CCSER1: variants seen among roughly 807,000 people sequenced by gnomAD.
CCSER1 encodes the protein serine-rich coiled-coil domain-containing protein 1.
Under a neutral mutation model 82.0 loss-of-function variants are expected in CCSER1, and 41 were observed. That is an observed-to-expected ratio of 0.50 (90% CI 0.39 to 0.65). The LOEUF is 0.65. Among genes scored for constraint, CCSER1 ranks in the 30% least tolerant of loss-of-function variants. CCSER1 has a pLI of 0.00. For synonymous variants in CCSER1, 414 were observed against 383.9 expected (o/e 1.08, Z -0.92); for missense variants, 1,119 against 1,064.2 (o/e 1.05, Z -0.72).
At chr4:90,255,738 A>T (rs1410863292) in intron 1 of CCSER1, among the ~76,000 whole-genome samples, 2 of 152,322 alleles carry the variant, frequency 1.3e-5, no homozygotes, top group Admixed American at 6.5e-5. Flanking sequence ...GTGTAAAAAA[A>T]ACACAGTTAA....
chr4:90,550,545 T>C lies in CCSER1; in HGVS notation c.1725-77480T>C, dbSNP rs553261541. ...CCATTTAAACTATCACAAATTAATA[T>C]AGAAAAATATATTATTGAGGCAAAC... On this transcript the variant is annotated intron_variant, in intron 5 of 10. Transcript: ENST00000509176. 1.6e-4 allele frequency among the ~76,000 whole-genome samples: 24 copies of C among 152,158 alleles called. No individual in the cohort carries two copies. The East Asian group carries it at 2.7e-3, about 17-fold the overall frequency.
intron 8 of CCSER1, among the ~76,000 whole-genome samples, chr4:90,918,642 T>A (rs13107047): frequency 0.47 from 70,164 of 150,302 alleles, 18,060 homozygotes; most frequent in African/African-American, 0.7. Context: ...AAGAGAGATA[T>A]ATATATATAT....
chr4:90,628,185 A>ATT lies in CCSER1; in HGVS notation c.1885_1886insTT (p.Thr629IlefsTer9). On this transcript the variant is annotated frameshift_variant, in exon 6 of 11. Coordinates refer to ENST00000509176, the MANE Select transcript of CCSER1 (RefSeq NM_001145065.2). LOFTEE classifies it high-confidence loss of function. ...ATTCAGACTGATGTTACAGGACTGC[A>ATT]CGGCAGTCAAGACGTTATTATTAAA... 6.2e-7 allele frequency: 1 copy of ATT among 1,613,902 alleles called. No homozygotes were observed. Among genetic ancestry groups the ATT allele is most frequent in the Non-Finnish European group, 8.5e-7 (1 of 1,179,816 alleles).
chr4:91,057,761 T>A (rs1743581880), intron 9 of CCSER1, among the ~76,000 whole-genome samples: 1 of 152,118 alleles, frequency 6.6e-6, no homozygotes, highest in Non-Finnish European at 1.5e-5. Context: ...GGTTATAAAA[T>A]GATTATCATT....
chr4:91,086,111 G>A, intron 10 of CCSER1, 117 bp downstream of exon 10: 1 of 673,620 alleles, frequency 1.5e-6, no homozygotes, highest in Non-Finnish European at 2.7e-6. Flanking sequence ...GAGATGCATT[G>A]AAGAGAATGT....
At chr4:90,157,153 G>T (rs1728386943) in intron 1 of CCSER1, among the ~76,000 whole-genome samples, 1 of 152,152 alleles carries the variant, frequency 6.6e-6, no homozygotes, top group Non-Finnish European at 1.5e-5. Flanking sequence ...GGCTGGATAT[G>T]AAATTCTGGG....
chr4:91,014,983 GT>G (rs372623799), intron 9 of CCSER1, among the ~76,000 whole-genome samples: 12 of 113,934 alleles, frequency 1.1e-4, no homozygotes, highest in Middle Eastern at 0.011. Flanking sequence ...CTTCAAAATT[GT>G]TTTTTTTTAA....
At chr4:90,128,131 T>C (rs993915647) in intron 1 of CCSER1, among the ~76,000 whole-genome samples, 2 of 152,092 alleles carry the variant, frequency 1.3e-5, no homozygotes, top group African/African-American at 2.4e-5. Flanking sequence ...CGGCGGCCGC[T>C]CCAGGGCGAT....
chr4:90,436,206 A>G (rs1401049088), intron 4 of CCSER1, among the ~76,000 whole-genome samples: 6 of 152,196 alleles, frequency 3.9e-5, no homozygotes, highest in Admixed American at 1.3e-4. Context: ...ATAATCAGTT[A>G]TATTTAAGTG....
chr4:90,828,107 G>A (rs553349898), intron 8 of CCSER1, among the ~76,000 whole-genome samples: 1 of 152,176 alleles, frequency 6.6e-6, no homozygotes, highest in South Asian at 2.1e-4. Context: ...GAGAGGATTG[G>A]CAATAGCTGT....
At chr4:91,017,505 A>T (rs188296360) in intron 9 of CCSER1, among the ~76,000 whole-genome samples, 1 of 152,214 alleles carries the variant, frequency 6.6e-6, no homozygotes, top group Admixed American at 6.5e-5. Context: ...GTATTTTGTC[A>T]CCTAGGTGTT....
chr4:90,569,551 C>A (rs1779859127), intron 5 of CCSER1, among the ~76,000 whole-genome samples: 1 of 152,160 alleles, frequency 6.6e-6, no homozygotes. Context: ...ACCACATGCC[C>A]ACTGTGGACC....
At chr4:90,142,576 A>G (rs1002409751) in intron 1 of CCSER1, among the ~76,000 whole-genome samples, 1 of 152,128 alleles carries the variant, frequency 6.6e-6, no homozygotes, top group Non-Finnish European at 1.5e-5. Flanking sequence ...ATATACTAAT[A>G]CAGGCAAATG....
chr4:90,922,941 A>G (rs1728594020), intron 8 of CCSER1, among the ~76,000 whole-genome samples: 1 of 152,284 alleles, frequency 6.6e-6, no homozygotes, highest in South Asian at 2.1e-4. Flanking sequence ...AAGAAGAAGC[A>G]TGACAAAATT....
At chr4:91,416,175 C>T (rs1489177051) in intron 10 of CCSER1, among the ~76,000 whole-genome samples, 1 of 152,006 alleles carries the variant, frequency 6.6e-6, no homozygotes, top group Non-Finnish European at 1.5e-5. Flanking sequence ...AGGAGAACTA[C>T]AAACTACTCC....
At chr4:90,622,681 G>A (rs1324877270) in intron 5 of CCSER1, among the ~76,000 whole-genome samples, 1 of 152,038 alleles carries the variant, frequency 6.6e-6, no homozygotes, top group African/African-American at 2.4e-5. Context: ...GGACATTTGG[G>A]TTGGTTCCAA....
At chr4:91,424,570 A>G (rs904952548) in intron 10 of CCSER1, among the ~76,000 whole-genome samples, 1 of 152,152 alleles carries the variant, frequency 6.6e-6, no homozygotes, top group African/African-American at 2.4e-5. Flanking sequence ...TAAGCACTCT[A>G]TGCCTCAATG....
chr4:90,696,179 T>C (rs1008360733), intron 6 of CCSER1, among the ~76,000 whole-genome samples: 8 of 152,124 alleles, frequency 5.3e-5, no homozygotes, highest in Admixed American at 1.3e-4. Context: ...GTGCCACCAG[T>C]CAAGGTGAAT....
chr4:91,584,384 C>T (rs916624814), intron 10 of CCSER1, among the ~76,000 whole-genome samples: 1 of 151,538 alleles, frequency 6.6e-6, no homozygotes, highest in Admixed American at 6.6e-5. Flanking sequence ...AAATCATTCT[C>T]ACTGAGGTAG....
Sources: gnomAD v4.1 joint callset for allele counts (sites outside exome capture counted in the v4.1 genomes callset) on GRCh38, gnomAD v4.1.1 for gene constraint, MANE v1.5 for transcripts, NCBI Gene and HGNC (gene_info 2026-07-23, HGNC 2026-07-21) for gene names.